The following SLC2A12 variants were observed in gnomAD, a reference collection of about 807,000 sequenced individuals.
SLC2A12 encodes the protein solute carrier family 2 member 12, also known as solute carrier family 2, facilitated glucose transporter member 12.
A neutral mutation model predicts 41.8 loss-of-function variants in SLC2A12; 23 were observed. The ratio of observed to expected loss-of-function variants is 0.55; its 90% CI spans 0.40 to 0.78. The LOEUF (loss-of-function observed/expected upper bound fraction) is 0.78, where lower values mean the gene tolerates loss of function less well. SLC2A12 is among the 30% of genes least tolerant of loss of function. The pLI is 0.00. For missense variants in SLC2A12, 654 were observed against 745.6 expected, an observed-to-expected ratio of 0.88 and a Z score of 1.43; for synonymous variants, 295 against 285.9, an observed-to-expected ratio of 1.03 and a Z score of -0.32.
chr6:134,001,331 G>C (rs1776752114), intron 4 of SLC2A12, among the ~76,000 whole-genome samples: 1 of 152,136 alleles, frequency 6.6e-6, no homozygotes, highest in South Asian at 2.1e-4. Context: ...AAATGAGATA[G>C]TTTTAATCAG....
intron 1 of SLC2A12, among the ~76,000 whole-genome samples, chr6:134,030,394 G>C (rs761011143): frequency 1.3e-5 from 2 of 152,176 alleles, no homozygotes; most frequent in Non-Finnish European, 2.9e-5. Flanking sequence ...GTAGTGTAAG[G>C]AACCAGCAAT....
At chr6:134,051,417 T>C (rs1773682781) in intron 1 of SLC2A12, among the ~76,000 whole-genome samples, 1 of 152,222 alleles carries the variant, frequency 6.6e-6, no homozygotes, top group African/African-American at 2.4e-5. Context: ...CAGATGTCTT[T>C]TGTATCATTT....
intron 1 of SLC2A12, 78 bp from the exon 2 acceptor site, chr6:134,029,799 A>G (rs1777177060): frequency 1.3e-6 from 2 of 1,497,966 alleles, no homozygotes; most frequent in East Asian, 4.6e-5. Flanking sequence ...CGGAGATTTA[A>G]CCTTGTAGAA....
intron 1 of SLC2A12, among the ~76,000 whole-genome samples, chr6:134,048,953 GC>G (rs1451102163): frequency 6.6e-6 from 1 of 152,282 alleles, no homozygotes; most frequent in African/African-American, 2.4e-5. Context: ...GACTGACGAA[GC>G]CTGAGAAAGC....
intron 1 of SLC2A12, among the ~76,000 whole-genome samples, chr6:134,038,522 C>T (rs2114497838): frequency 6.7e-6 from 1 of 150,218 alleles, no homozygotes. Context: ...CCACCACACC[C>T]CCTATTTTTG....
intron 4 of SLC2A12, among the ~76,000 whole-genome samples, chr6:133,993,712 T>C (rs1160837332): frequency 6.6e-6 from 1 of 152,058 alleles, no homozygotes; most frequent in Non-Finnish European, 1.5e-5. Flanking sequence ...GGATTTGAAA[T>C]AGAGGGACAG....
chr6:134,036,207 A>C (rs1777296753), intron 1 of SLC2A12, among the ~76,000 whole-genome samples: 1 of 152,148 alleles, frequency 6.6e-6, no homozygotes, highest in Non-Finnish European at 1.5e-5. Flanking sequence ...GTAATTATAT[A>C]GCTTGACCAA....
intron 2 of SLC2A12, among the ~76,000 whole-genome samples, chr6:134,018,688 A>G (rs1777000452): frequency 6.6e-6 from 1 of 151,910 alleles, no homozygotes; most frequent in Non-Finnish European, 1.5e-5. Context: ...ATTTTTCTTT[A>G]TCACTCTTAC....
At position 134,028,542 on chromosome 6, in the gene SLC2A12, T is replaced by C. The variant is rs1777146269; in HGVS notation, c.1283A>G (p.Lys428Arg). The C allele has an allele frequency of 6.2e-7, 1 of 1,614,086 alleles. No homozygotes were observed. Among genetic ancestry groups the C allele is most frequent in the African/African-American group, 1.3e-5 (1 of 74,938 alleles). ...GGATGCTGAGGTCGTCTCCCCTCTC[T>C]TATCCACATCATTTCTCAGGGGCAT... ...SLMPLRNDVD[K>R]RGETTSASLL... Residue 428 changes from lysine to arginine, a missense_variant, in exon 2 of 5, where the codon AAG becomes AGG. Lys to Arg is a conservative substitution (Grantham distance 26, BLOSUM62 2). Transcript: ENST00000275230.
chr6:134,024,436 T>G (rs192630100), intron 2 of SLC2A12, among the ~76,000 whole-genome samples: 1 of 152,324 alleles, frequency 6.6e-6, no homozygotes, highest in Admixed American at 6.5e-5. Flanking sequence ...TTTTCCTTTT[T>G]CCCCAATTGT....
At chr6:134,002,616 T>C (rs1468368921) in intron 3 of SLC2A12, among the ~76,000 whole-genome samples, 1 of 152,232 alleles carries the variant, frequency 6.6e-6, no homozygotes, top group Non-Finnish European at 1.5e-5. Flanking sequence ...ACATTTTTAA[T>C]GACATTTGTA....
At chr6:134,012,838 G>T (rs1209233518) in intron 2 of SLC2A12, among the ~76,000 whole-genome samples, 1 of 152,078 alleles carries the variant, frequency 6.6e-6, no homozygotes, top group African/African-American at 2.4e-5. Context: ...AGGAATGGTG[G>T]TGCATGCCTG....
rs1406484799 is a variant in SLC2A12, at chr6:133,991,278, CAT to C, written c.1729_1730del (p.Met577GlufsTer25). 1.2e-6 allele frequency: 2 copies of C among 1,613,530 alleles called. No homozygotes were observed. The highest frequency in any genetic ancestry group is 1.7e-6 in the Non-Finnish European group (2 of 1,179,810). On this transcript the variant is annotated frameshift_variant, in exon 5 of 5. Coordinates refer to ENST00000275230, the MANE Select transcript of SLC2A12 (RefSeq NM_145176.3). LOFTEE classifies it high-confidence loss of function. ...GCACTAATTCTTCTTGGTGATGACT[CAT>C]AAAACAAATGTTGTTTTTCACATAG... is the stretch of plus-strand genomic sequence containing the variant. The part of the protein sequence containing the change: ...VNYVKNNICF[M>X]SHHQEELVPK...
intron 2 of SLC2A12, among the ~76,000 whole-genome samples, chr6:134,014,319 T>C (rs939011341): frequency 1.3e-5 from 2 of 152,130 alleles, no homozygotes; most frequent in Non-Finnish European, 2.9e-5. Context: ...ATAGCTCACC[T>C]CCTGCTGTGC....
At chr6:134,048,081 C>G (rs1048430335) in intron 1 of SLC2A12, among the ~76,000 whole-genome samples, 41 of 152,350 alleles carry the variant, frequency 2.7e-4, no homozygotes, top group Admixed American at 2.1e-3. Context: ...ATGTTCGCAG[C>G]CTTTTCCCTT....
At chr6:134,007,476 G>A in intron 2 of SLC2A12, among the ~76,000 whole-genome samples, 1 of 152,262 alleles carries the variant, frequency 6.6e-6, no homozygotes, top group East Asian at 1.9e-4. Flanking sequence ...CTGGCCTGAA[G>A]CAAGCTGGAT....
chr6:134,007,018 C>A, intron 2 of SLC2A12, 84 bp from the exon 3 acceptor site: 1 of 1,567,340 alleles, frequency 6.4e-7, no homozygotes, highest in South Asian at 1.2e-5. Context: ...TGATCTCTCC[C>A]TGCCCTCATC....
chr6:134,013,070 G>A (rs887977603), intron 2 of SLC2A12, among the ~76,000 whole-genome samples: 1 of 152,072 alleles, frequency 6.6e-6, no homozygotes, highest in East Asian at 1.9e-4. Flanking sequence ...TTACTCTACT[G>A]TACTGCATTT....
At chr6:134,022,896 G>A (rs1296566171) in intron 2 of SLC2A12, among the ~76,000 whole-genome samples, 1 of 152,170 alleles carries the variant, frequency 6.6e-6, no homozygotes, top group East Asian at 1.9e-4. Flanking sequence ...CCTCAAGACG[G>A]CAGTATTCCA....
Sources: gnomAD v4.1 joint callset for allele counts (sites outside exome capture counted in the v4.1 genomes callset) on GRCh38, gnomAD v4.1.1 for gene constraint, MANE v1.5 for transcripts, NCBI Gene and HGNC (gene_info 2026-07-23, HGNC 2026-07-21) for gene names.